TEAD2: variants seen among roughly 807,000 people sequenced by gnomAD.
TEAD2 encodes transcriptional enhancer factor TEF-4.
In TEAD2, 51 loss-of-function variants were observed where a neutral mutation model predicts 61.4. The observed-to-expected ratio is 0.83, with a 90% confidence interval of 0.66 to 1.05. The LOEUF (loss-of-function observed/expected upper bound fraction) is 1.05, where lower values mean the gene tolerates loss of function less well. TEAD2 is among the 50% of genes least tolerant of loss of function. TEAD2 has a pLI of 0.00. For missense variants in TEAD2, 509 were observed against 600.0 expected (o/e 0.85, Z 1.58); for synonymous variants, 244 against 243.2 (o/e 1.00, Z -0.03).
chr19:49,345,486 A>G (rs1224917503), intron 10 of TEAD2, among the ~76,000 whole-genome samples: 2 of 151,994 alleles, frequency 1.3e-5, no homozygotes, highest in East Asian at 1.9e-4. Context: ...CACAGAAGCT[A>G]GGACCACAGG....
At chr19:49,358,165 C>T (rs868353480) in intron 3 of TEAD2, among the ~76,000 whole-genome samples, 3 of 152,188 alleles carry the variant, frequency 2.0e-5, no homozygotes, top group African/African-American at 4.8e-5. Flanking sequence ...ACCCGGGAGG[C>T]GGGGCTTCCA....
chr19:49,346,022 G>A (rs1422237651), intron 10 of TEAD2, among the ~76,000 whole-genome samples: 1 of 151,228 alleles, frequency 6.6e-6, no homozygotes, highest in African/African-American at 2.4e-5. Flanking sequence ...AAAATTAGCT[G>A]GGCATGGTCG....
chr19:49,340,748 C>A lies in TEAD2; in HGVS notation c.*576G>T, dbSNP rs1169179945. ...TGTGCAGCGGAGATAAAGTCAAGACCCTAGCACCCACTTATAAATATCTCG... is the reference window on the plus strand; with the variant it reads ...TGTGCAGCGGAGATAAAGTCAAGACACTAGCACCCACTTATAAATATCTCG... On this transcript the variant is annotated 3_prime_UTR_variant, in exon 13 of 13. Coordinates refer to ENST00000593945, the MANE Select transcript of TEAD2 (RefSeq NM_001256660.2). The A allele has an allele frequency of 7.4e-6, 2 of 270,454 alleles. No homozygotes were observed. The highest frequency in any genetic ancestry group is 5.0e-5 in the Admixed American group (1 of 20,184). The allele number at this position is 270,454 out of a possible 1,614,324, so 16.8% of individuals were successfully genotyped here. A position where few individuals can be genotyped will look rare whatever the true frequency, so the allele number is the denominator to read the frequency against.
At chr19:49,347,896 G>C (rs896088345) in intron 9 of TEAD2, among the ~76,000 whole-genome samples, 1 of 152,308 alleles carries the variant, frequency 6.6e-6, no homozygotes, top group African/African-American at 2.4e-5. Flanking sequence ...AGACTGCTAC[G>C]TGTTCACAAA....
intron 3 of TEAD2, among the ~76,000 whole-genome samples, chr19:49,358,339 C>G (rs892329416): frequency 6.6e-6 from 1 of 152,206 alleles, no homozygotes; most frequent in African/African-American, 2.4e-5. Context: ...CGCTTGAACC[C>G]GGAAGGCGGA....
intron 4 of TEAD2, 122 bp downstream of exon 4, chr19:49,357,130 C>T: frequency 1.1e-6 from 1 of 903,430 alleles, no homozygotes; most frequent in Non-Finnish European, 1.7e-6. Context: ...CTCTGGGTCT[C>T]AGTCCTCCCC....
chr19:49,354,490 G>A (rs1374410752), intron 7 of TEAD2, among the ~76,000 whole-genome samples: 2 of 145,544 alleles, frequency 1.4e-5, no homozygotes, highest in African/African-American at 5.1e-5. Flanking sequence ...GGCAACAGAA[G>A]AATATCCTGT....
intron 9 of TEAD2, among the ~76,000 whole-genome samples, chr19:49,348,269 C>G (rs529328786): frequency 6.6e-6 from 1 of 152,168 alleles, no homozygotes; most frequent in Non-Finnish European, 1.5e-5. Context: ...TTCTAACAGT[C>G]GGCCCACTCC....
intron 12 of TEAD2, 30 bp downstream of exon 12, chr19:49,342,408 G>A (rs750174609): frequency 4.4e-6 from 7 of 1,608,290 alleles, no homozygotes; most frequent in East Asian, 2.2e-5. Flanking sequence ...ACACTGGGGG[G>A]CCCCACTCCA....
At position 49,347,106 on chromosome 19, in the gene TEAD2, G is replaced by A. The variant is rs1009559663; in HGVS notation, c.921+84C>T. 113 of 1,543,428 alleles carry A rather than the reference G, an allele frequency of 7.3e-5. 5 individuals are homozygous for A. In the South Asian group the frequency reaches 1.1e-3, roughly 15 times the overall value. On this transcript the variant is annotated intron_variant, in intron 10 of 12. Transcript: ENST00000593945. Reference sequence around the variant, plus strand: ...GTCCCAGGCTGACCTGGTAGGGCCCGCGACAGATTCTCTCAGGGCCAGAGG... The same window carrying A: ...GTCCCAGGCTGACCTGGTAGGGCCCACGACAGATTCTCTCAGGGCCAGAGG...
At chr19:49,343,897 G>GTGT (rs531404326) in intron 10 of TEAD2, among the ~76,000 whole-genome samples, 1,504 of 144,522 alleles carry the variant, frequency 0.01, 19 homozygotes, top group Non-Finnish European at 0.017. Flanking sequence ...CCCAGGCAAT[G>GTGT]TGTGGTGGTA....
chr19:49,355,831 A>G, intron 5 of TEAD2, 128 bp downstream of exon 5: 1 of 890,408 alleles, frequency 1.1e-6, no homozygotes, highest in South Asian at 3.1e-5. Flanking sequence ...GTCTCCAAAA[A>G]GAAAAAAAAA....
Position 49,340,682 on chromosome 19 carries a change from A to G in TEAD2, c.*642T>C, listed in dbSNP as rs865924002. ...AAGGAAACCGTCTAGCTCAGGGCTC[A>G]CTTAGGAGAGGGATGAGATTAGAAA... is the stretch of plus-strand genomic sequence containing the variant. On this transcript the variant is annotated 3_prime_UTR_variant, in exon 13 of 13. Coordinates refer to ENST00000593945, the MANE Select transcript of TEAD2 (RefSeq NM_001256660.2). The G allele has an allele frequency of 2.7e-5, 12 of 438,274 alleles. No homozygotes were observed. Among genetic ancestry groups the G allele is most frequent in the African/African-American group, 1.6e-4 (8 of 49,984 alleles). The allele number at this position is 438,274 out of a possible 1,614,324, so 27.1% of individuals were successfully genotyped here.
chr19:49,341,956 G>A lies in TEAD2; in HGVS notation c.1242+482C>T, dbSNP rs1237798337. 1.3e-5 allele frequency among the ~76,000 whole-genome samples: 2 copies of A among 152,124 alleles called. No homozygotes were observed. The highest frequency in any genetic ancestry group is 2.4e-5 in the African/African-American group (1 of 41,426). On this transcript the variant is annotated intron_variant, in intron 12 of 12. Coordinates refer to ENST00000593945, the MANE Select transcript of TEAD2 (RefSeq NM_001256660.2). This position sits in a 1 kb window ranked among gnomAD's most constrained non-coding sequence, Gnocchi z 4.2. The stretch of plus-strand genomic sequence containing the variant: ...ACCTGTAATCCCAGCACTTTGGGAG[G>A]CCTAGGCAGGTGGATCACTTGAGGT...
intron 4 of TEAD2, among the ~76,000 whole-genome samples, chr19:49,356,849 C>G (rs1007859347): frequency 2.0e-5 from 3 of 152,082 alleles, no homozygotes; most frequent in Admixed American, 2.0e-4. Context: ...ATGCATCTCC[C>G]TTTGTGGGCC....
rs1426186897 is a variant in TEAD2 at position 49,353,265 on chromosome 19, T to C, written c.539+1883A>G. On this transcript the variant is annotated intron_variant, in intron 7 of 12. Transcript: ENST00000593945. Reference sequence around the variant, plus strand: ...AGGCGCACATCACCATGCCTGGCTATTTTTTGCATTTTAGGTAGAGATGGG... The same window carrying C: ...AGGCGCACATCACCATGCCTGGCTACTTTTTGCATTTTAGGTAGAGATGGG... Among the ~76,000 whole-genome samples the C allele has an allele frequency of 3.3e-5, 5 of 152,000 alleles. No homozygotes were observed. The South Asian group carries it at 1.0e-3, about 32-fold the overall frequency.
intron 3 of TEAD2, 192 bp from the exon 4 acceptor site, chr19:49,357,506 T>C: frequency 1.6e-6 from 1 of 626,366 alleles, no homozygotes; most frequent in Non-Finnish European, 2.9e-6. Context: ...CCACGGACCC[T>C]CCCGGGACCC....
chr19:49,357,383 C>G, intron 3 of TEAD2, 69 bp from the exon 4 acceptor site: 1 of 1,504,330 alleles, frequency 6.6e-7, no homozygotes, highest in Admixed American at 1.7e-5. Context: ...CCCCTTCTCT[C>G]CCTCCAGGTG....
At chr19:49,355,928 C>T (rs1229747770) in intron 5 of TEAD2, 31 bp downstream of exon 5, 5 of 1,250,904 alleles carry the variant, frequency 4.0e-6, no homozygotes, top group Admixed American at 7.9e-5. Flanking sequence ...TTGGAGTGAG[C>T]GTGGGTGGGA....
Sources: gnomAD v4.1 joint callset for allele counts (sites outside exome capture counted in the v4.1 genomes callset) on GRCh38, gnomAD v4.1.1 for gene constraint, Gnocchi (gnomAD v3.1) non-coding constraint, MANE v1.5 for transcripts, NCBI Gene and HGNC (gene_info 2026-07-23, HGNC 2026-07-21) for gene names.